The following KIF13B variants were observed in gnomAD, a reference collection of about 807,000 sequenced individuals.
KIF13B encodes the protein kinesin family member 13B, also known as kinesin-like protein KIF13B.
In KIF13B, 127 loss-of-function variants were observed where a neutral mutation model predicts 222.0. The observed-to-expected ratio is 0.57, with a 90% CI of 0.50 to 0.66. The LOEUF is 0.66. KIF13B is among the 30% of genes least tolerant of loss of function. The pLI is 0.00. For synonymous variants in KIF13B, 976 were observed against 919.0 expected, an observed-to-expected ratio of 1.06 and a Z score of -1.12; for missense variants, 2,173 against 2,379.0, an observed-to-expected ratio of 0.91 and a Z score of 1.80.
At chr8:29,134,351 T>C in intron 21 of KIF13B, 141 bp from the exon 22 acceptor site, 1 of 716,800 alleles carries the variant, frequency 1.4e-6, no homozygotes. Flanking sequence ...ACCCTGAGAC[T>C]GGACTTCTGC....
chr8:29,165,455 T>C (rs1044650105), intron 12 of KIF13B, among the ~76,000 whole-genome samples: 1 of 152,202 alleles, frequency 6.6e-6, no homozygotes, highest in Admixed American at 6.5e-5. Flanking sequence ...AATTATTTCT[T>C]ACATAAACAA....
Position 29,148,692 on chromosome 8 carries a change from A to G in KIF13B, c.1698T>C (p.Asn566=), listed in dbSNP as rs1465883481. The part of the protein sequence containing the change: ...EDQDPSMKNE[N]SSEQLDVDGD... ...CGTCTACATCCAGCTGCTCAGAACT[A>G]TTCTCGTTCTTCATGGAGGGATCCT... The change falls in exon 16 of 40, where the codon AAT becomes AAC. Residue 566 remains asparagine, a synonymous_variant. Transcript: ENST00000524189. The G allele has an allele frequency of 6.2e-7, 1 of 1,612,138 alleles. No individual in the cohort carries two copies. The highest frequency in any genetic ancestry group is 1.3e-5 in the African/African-American group (1 of 74,842).
chr8:29,197,106 G>A (rs112601554), intron 2 of KIF13B, among the ~76,000 whole-genome samples: 7,126 of 151,824 alleles, frequency 0.047, 351 homozygotes, highest in African/African-American at 0.12. Flanking sequence ...GGGAGGCCGA[G>A]GCGGGCGGAT....
At chr8:29,240,760 T>G (rs1282597741) in intron 2 of KIF13B, among the ~76,000 whole-genome samples, 1 of 152,218 alleles carries the variant, frequency 6.6e-6, no homozygotes, top group Non-Finnish European at 1.5e-5. Context: ...CTGAATGCCT[T>G]GAGGCAGGAT....
At chr8:29,103,790 G>A (rs150778961) in intron 35 of KIF13B, among the ~76,000 whole-genome samples, 4 of 152,050 alleles carry the variant, frequency 2.6e-5, no homozygotes, top group East Asian at 1.9e-4. Flanking sequence ...CTTTCCTCTC[G>A]CCTCCCACGT....
intron 1 of KIF13B, among the ~76,000 whole-genome samples, chr8:29,251,992 A>C (rs1007313631): frequency 6.6e-6 from 1 of 151,748 alleles, no homozygotes; most frequent in African/African-American, 2.4e-5. Context: ...CATACCCATG[A>C]GCCAGGAAAG....
chr8:29,142,566 A>G (rs942423268), intron 18 of KIF13B, among the ~76,000 whole-genome samples: 6 of 152,178 alleles, frequency 3.9e-5, no homozygotes, highest in Non-Finnish European at 7.4e-5. Context: ...GTTGCTGGGC[A>G]TGGTGGTTCA....
chr8:29,223,996 AT>A (rs199688774), intron 2 of KIF13B, among the ~76,000 whole-genome samples: 10,021 of 137,786 alleles, frequency 0.073, 450 homozygotes, highest in African/African-American at 0.13. Flanking sequence ...CAGCCTACCA[AT>A]TTTTTTTTTC....
intron 29 of KIF13B, 82 bp downstream of exon 29, chr8:29,122,509 C>T (rs17527001): frequency 0.098 from 109,833 of 1,122,254 alleles, 6,116 homozygotes; most frequent in Non-Finnish European, 0.11. Flanking sequence ...AATTGCCTCA[C>T]GATGCACTTG....
At chr8:29,223,059 T>C (rs1205806001) in intron 2 of KIF13B, among the ~76,000 whole-genome samples, 1 of 151,268 alleles carries the variant, frequency 6.6e-6, no homozygotes, top group Non-Finnish European at 1.5e-5. Context: ...GGCTCACGCC[T>C]ATAATGCCAG....
intron 4 of KIF13B, 49 bp from the exon 5 acceptor site, chr8:29,188,656 A>G (rs1457556425): frequency 8.5e-7 from 1 of 1,179,682 alleles, no homozygotes; most frequent in South Asian, 1.3e-5. Flanking sequence ...AAAACTACAT[A>G]TGAACAATTC....
At chr8:29,211,925 G>A (rs571691294) in intron 2 of KIF13B, among the ~76,000 whole-genome samples, 1 of 152,066 alleles carries the variant, frequency 6.6e-6, no homozygotes, top group East Asian at 1.9e-4. Flanking sequence ...TCTTTTTTCT[G>A]GACATTTCAT....
At chr8:29,107,653 G>A (rs952109474) in intron 35 of KIF13B, among the ~76,000 whole-genome samples, 8 of 149,648 alleles carry the variant, frequency 5.3e-5, no homozygotes, top group African/African-American at 1.5e-4. Context: ...TCCGCCCCCC[G>A]GGGTTCACAC....
chr8:29,196,149 A>T (rs375059215), intron 3 of KIF13B, 38 bp downstream of exon 3: 8 of 1,529,170 alleles, frequency 5.2e-6, no homozygotes, highest in Non-Finnish European at 7.1e-6. Flanking sequence ...TGCATATAAG[A>T]TCTTTACAAG....
chr8:29,252,531 T>C (rs1218144191), intron 1 of KIF13B, among the ~76,000 whole-genome samples: 1 of 152,364 alleles, frequency 6.6e-6, no homozygotes, highest in African/African-American at 2.4e-5. Flanking sequence ...TATCTAACTA[T>C]AATTTACTCT....
In KIF13B at chr8:29,147,548, C is replaced by T. The variant is rs1416549201; in HGVS notation, c.1868G>A (p.Arg623Gln). ...SLEQQHEEEK[R>Q]SALERQRLMY... is the part of the protein sequence containing the mutation. ...AAGCCTCTGGCGCTCCAGTGCAGAT[C>T]GTTTTTCTTCTTCATGCTGTTGTTC... The change falls in exon 17 of 40, where the codon CGA becomes CAA. Residue 623 changes from arginine to glutamine, a missense_variant. Around this residue, in one of 2 missense-constraint regions of KIF13B, gnomAD observed 1,480 missense variants for 1,722.8 expected, o/e 0.86. Coordinates refer to ENST00000524189, the MANE Select transcript of KIF13B (RefSeq NM_015254.4). 5.6e-6 allele frequency: 9 copies of T among 1,613,434 alleles called. No individual in the cohort carries two copies. Among genetic ancestry groups the T allele is most frequent in the African/African-American group, 5.3e-5 (4 of 74,916 alleles).
intron 12 of KIF13B, among the ~76,000 whole-genome samples, chr8:29,165,317 G>A (rs943296345): frequency 6.6e-6 from 1 of 152,010 alleles, no homozygotes; most frequent in African/African-American, 2.4e-5. Context: ...TGCACTAGAT[G>A]GAGTAATTTT....
intron 35 of KIF13B, among the ~76,000 whole-genome samples, chr8:29,104,742 T>C (rs1808968139): frequency 1.3e-5 from 2 of 152,014 alleles, no homozygotes; most frequent in Admixed American, 6.5e-5. Flanking sequence ...ACTTTTTCTT[T>C]TTTTTATTTT....
rs764280144 is a variant in KIF13B at position 29,169,416 on chromosome 8, C to A, written c.946-1831G>T. On this transcript the variant is annotated intron_variant, in intron 10 of 39. Transcript: ENST00000524189. ...TGCCCACAATACACATTTGGTAACA[C>A]AGAGAAAGTTCAGGCCTGAAGATTA... Among the ~76,000 whole-genome samples, 5 of 152,184 alleles carry A rather than the reference C, an allele frequency of 3.3e-5. No homozygotes were observed. The East Asian group carries it at 9.6e-4, about 29-fold the overall frequency.
Sources: gnomAD v4.1 joint callset for allele counts (sites outside exome capture counted in the v4.1 genomes callset) on GRCh38, gnomAD v4.1.1 for gene constraint, gnomAD v4.1.1 regional missense constraint, MANE v1.5 for transcripts, NCBI Gene and HGNC (gene_info 2026-07-23, HGNC 2026-07-21) for gene names.